Variants in LUC7L observed in about 807,000 individuals in gnomAD.
The protein encoded by LUC7L is putative RNA-binding protein Luc7-like 1.
LUC7L carries 29 observed loss-of-function variants against 51.1 expected under a neutral mutation model. The ratio of observed to expected loss-of-function variants is 0.57; its 90% CI spans 0.42 to 0.77. LUC7L has a LOEUF of 0.77. Ranked by LOEUF, LUC7L falls within the 30% of genes least tolerant of loss-of-function variation. LUC7L has a pLI of 0.00. For missense variants in LUC7L, 403 were observed against 511.9 expected, an observed-to-expected ratio of 0.79 and a Z score of 2.05; for synonymous variants, 181 against 180.7, an observed-to-expected ratio of 1.00 and a Z score of -0.01.
Position 229,359 on chromosome 16 carries a change from G to A in LUC7L, c.-20C>T, listed in dbSNP as rs1315033936. ...GGACATGGTAGCCGGCGGAGGCGAC[G>A]GGGTCGGCCGCGACGACTTCTCTCA... On this transcript the variant is annotated 5_prime_UTR_variant, in exon 1 of 10. Coordinates refer to ENST00000293872, the MANE Select transcript of LUC7L (RefSeq NM_201412.3). The A allele has an allele frequency of 6.7e-7, 1 of 1,490,180 alleles. No individual in the cohort carries two copies. The highest frequency in any genetic ancestry group is 2.2e-5 in the Admixed American group (1 of 44,674). 92.3% of individuals were successfully genotyped at this position (1,490,180 alleles called of 1,614,324 possible).
intron 4 of LUC7L, among the ~76,000 whole-genome samples, chr16:207,705 G>T (rs2049522242): frequency 6.6e-6 from 1 of 152,074 alleles, no homozygotes; most frequent in African/African-American, 2.4e-5. Context: ...CAGTGCTGAG[G>T]GTCAGTTAAT....
Position 189,895 on chromosome 16 carries a change from C to A in LUC7L, c.974+73G>T, listed in dbSNP as rs1250088495. 2.6e-6 allele frequency: 4 copies of A among 1,553,962 alleles called. No homozygotes were observed. The African/African-American group carries it at 5.4e-5, about 21-fold the overall frequency. ...CAGCCCCATCCCCACCAGACACGGC[C>A]CTCAGCAGACCCTGGGAACACAGAG... On this transcript the variant is annotated intron_variant, in intron 9 of 9. Transcript: ENST00000293872.
intron 3 of LUC7L, chr16:208,425 C>A (rs1053313546): frequency 9.6e-6 from 4 of 415,788 alleles, no homozygotes; most frequent in Non-Finnish European, 1.6e-5. Context: ...TTACTTATTT[C>A]CAAAATTTGT....
At chr16:192,886 G>C (rs184685361) in intron 7 of LUC7L, 41 bp downstream of exon 7, 43 of 1,530,458 alleles carry the variant, frequency 2.8e-5, no homozygotes, top group Non-Finnish European at 3.6e-5. Context: ...GGGAATGCCC[G>C]AGGCCAATGC....
At chr16:211,747 C>T (rs1337938017) in intron 3 of LUC7L, among the ~76,000 whole-genome samples, 1 of 152,254 alleles carries the variant, frequency 6.6e-6, no homozygotes, top group Non-Finnish European at 1.5e-5. Context: ...TGAGCACAGA[C>T]AGCACCAGCA....
At position 215,592 on chromosome 16, in the gene LUC7L, C is replaced by T. The variant is rs139327505; in HGVS notation, c.255+5057G>A. The stretch of plus-strand genomic sequence containing the variant: ...CCGAGATCATCGCGCCATTGCACTC[C>T]AGCCTGGGCGACAAAAGCAAAACTC... On this transcript the variant is annotated intron_variant, in intron 3 of 9. Transcript: ENST00000293872. Among the ~76,000 whole-genome samples the T allele has an allele frequency of 6.1e-3, 902 of 149,018 alleles. 16 individuals are homozygous for T. The highest frequency in any genetic ancestry group is 0.021 in the African/African-American group (834 of 40,278).
chr16:205,134 T>A (rs1425363714), intron 5 of LUC7L, among the ~76,000 whole-genome samples: 1 of 152,192 alleles, frequency 6.6e-6, no homozygotes, highest in Non-Finnish European at 1.5e-5. Context: ...TGTTAACATC[T>A]CTCTACGGCG....
chr16:192,862 G>C (rs2049046063), intron 7 of LUC7L, 65 bp downstream of exon 7: 6 of 1,377,810 alleles, frequency 4.4e-6, no homozygotes, highest in Non-Finnish European at 5.1e-6. Context: ...AGCAACAGTG[G>C]AATGGACCGA....
intron 3 of LUC7L, among the ~76,000 whole-genome samples, chr16:213,052 C>G (rs1340539762): frequency 6.6e-6 from 1 of 152,110 alleles, no homozygotes; most frequent in African/African-American, 2.4e-5. Context: ...CAGGCGTGAG[C>G]GCACACCTGG....
chr16:227,769 G>A (rs2050167575), intron 1 of LUC7L: 1 of 1,001,270 alleles, frequency 1.0e-6, no homozygotes, highest in Non-Finnish European at 1.2e-6. Context: ...CAAATGCAGA[G>A]GCAGTATTTT....
chr16:203,508 A>C (rs964533632), intron 5 of LUC7L, among the ~76,000 whole-genome samples: 1 of 151,940 alleles, frequency 6.6e-6, no homozygotes, highest in Non-Finnish European at 1.5e-5. Context: ...GGATTTCAAG[A>C]CCAGCCTTGA....
intron 1 of LUC7L, chr16:227,714 TCCA>T (rs1379087273): frequency 2.2e-5 from 23 of 1,023,536 alleles, no homozygotes; most frequent in Non-Finnish European, 2.6e-5. Context: ...GCTGGTAATT[TCCA>T]CCAACAAAAG....
chr16:220,748 C>T lies in LUC7L; in HGVS notation c.157-1G>A, dbSNP rs764410739. On this transcript the variant is annotated splice_acceptor_variant, in intron 2 of 9. Coordinates refer to ENST00000293872, the MANE Select transcript of LUC7L (RefSeq NM_201412.3). LOFTEE classifies it high-confidence loss of function. Reference sequence around the variant, plus strand: ...TGGTACATTCTCCTAAATCCATGCGCTGTGGGAAAGAAACAGAAAATGCAG... The same window carrying T: ...TGGTACATTCTCCTAAATCCATGCGTTGTGGGAAAGAAACAGAAAATGCAG... The T allele has an allele frequency of 6.2e-7, 1 of 1,611,324 alleles. No individual in the cohort carries two copies. Among genetic ancestry groups the T allele is most frequent in the South Asian group, 1.1e-5 (1 of 90,756 alleles).
At chr16:229,047 G>A (rs377268508) in intron 1 of LUC7L, 89 of 1,419,712 alleles carry the variant, frequency 6.3e-5, no homozygotes, top group Non-Finnish European at 7.1e-5. Context: ...GGAGGCTGAA[G>A]CCCCATCCAT....
chr16:204,639 TAC>T (rs2049431395), intron 5 of LUC7L, among the ~76,000 whole-genome samples: 1 of 150,912 alleles, frequency 6.6e-6, no homozygotes, highest in South Asian at 2.1e-4. Flanking sequence ...GAAAATAAAA[TAC>T]ATTTATAGTA....
intron 2 of LUC7L, 38 bp from the exon 3 acceptor site, chr16:220,785 T>C (rs753794669): frequency 8.7e-6 from 12 of 1,377,496 alleles, no homozygotes; most frequent in Non-Finnish European, 1.2e-5. Context: ...CCTCAGTGCC[T>C]ACCTACTGTA....
intron 2 of LUC7L, among the ~76,000 whole-genome samples, chr16:222,329 G>A (rs1461025732): frequency 3.2e-3 from 364 of 115,542 alleles, no homozygotes; most frequent in Middle Eastern, 4.6e-3. Flanking sequence ...TACATAACCA[G>A]AAAAAAAAAA....
chr16:227,965 T>C (rs1460707250), intron 1 of LUC7L: 22 of 1,032,406 alleles, frequency 2.1e-5, no homozygotes, highest in Non-Finnish European at 2.6e-5. Flanking sequence ...ATACACACTG[T>C]GAGCTCCAAC....
At chr16:218,511 A>G (rs920899880) in intron 3 of LUC7L, among the ~76,000 whole-genome samples, 4 of 152,178 alleles carry the variant, frequency 2.6e-5, no homozygotes, top group African/African-American at 7.2e-5. Context: ...ACCTGAGGTC[A>G]AGAGTTCAAG....
Sources: gnomAD v4.1 joint callset for allele counts (sites outside exome capture counted in the v4.1 genomes callset) on GRCh38, gnomAD v4.1.1 for gene constraint, MANE v1.5 for transcripts, NCBI Gene and HGNC (gene_info 2026-07-23, HGNC 2026-07-21) for gene names.